The following ERGIC3 variants were observed in gnomAD, a reference collection of about 807,000 sequenced individuals.
ERGIC3 encodes ERGIC and golgi 3.
Under a neutral mutation model 54.7 loss-of-function variants are expected in ERGIC3, and 33 were observed. The observed-to-expected ratio is 0.60, with a 90% CI of 0.46 to 0.81. The LOEUF is 0.81. ERGIC3 is among the 30% of genes least tolerant of loss of function. The pLI, the probability that ERGIC3 is intolerant of heterozygous loss-of-function variation, is 0.00. For missense variants in ERGIC3, 399 were observed against 488.4 expected, an observed-to-expected ratio of 0.82 and a Z score of 1.73; for synonymous variants, 186 against 189.8, an observed-to-expected ratio of 0.98 and a Z score of 0.16.
At chr20:35,547,945 C>T (rs1309759219) in intron 5 of ERGIC3, among the ~76,000 whole-genome samples, 1 of 152,180 alleles carries the variant, frequency 6.6e-6, no homozygotes, top group African/African-American at 2.4e-5. Context: ...CTGATAACTG[C>T]TGCTGTTTCC....
intron 7 of ERGIC3, 147 bp downstream of exon 7, chr20:35,549,012 G>A: frequency 1.1e-6 from 1 of 886,194 alleles, no homozygotes; most frequent in Non-Finnish European, 1.8e-6. Flanking sequence ...GTTTGGCACA[G>A]TGGCTAAGAG....
intron 4 of ERGIC3, chr20:35,543,651 G>GT (rs2064629733): frequency 8.5e-6 from 4 of 471,068 alleles, no homozygotes; most frequent in South Asian, 6.2e-5. Context: ...ATCATTCGTT[G>GT]TTTCAGCAGA....
chr20:35,544,647 C>T (rs887252517), intron 4 of ERGIC3: 4 of 212,454 alleles, frequency 1.9e-5, no homozygotes, highest in South Asian at 8.6e-5. Context: ...GGTGTTTGGT[C>T]AGGCGCCCGC....
Position 35,542,815 on chromosome 20 carries a change from C to T in ERGIC3, c.248-7C>T. 6.2e-7 allele frequency: 1 copy of T among 1,614,130 alleles called. No individual in the cohort carries two copies. ...CCAGTACCTTAGCCTGATTTTCCTGCTTCCAGATCTGAGTATTGATGCCAT... is the reference window on the plus strand; with the variant it reads ...CCAGTACCTTAGCCTGATTTTCCTGTTTCCAGATCTGAGTATTGATGCCAT... On this transcript the variant is annotated splice_polypyrimidine_tract_variant and splice_region_variant and intron_variant, in intron 3 of 12. Transcript: ENST00000348547.
chr20:35,549,791 C>A (rs140847108), intron 7 of ERGIC3: 7,363 of 152,432 alleles, frequency 0.048, 292 homozygotes, highest in Non-Finnish European at 0.068. Flanking sequence ...TGCGTGCCAC[C>A]ACGCCCAGCT....
chr20:35,553,869 G>C (rs372054529), intron 7 of ERGIC3, among the ~76,000 whole-genome samples: 188 of 152,322 alleles, frequency 1.2e-3, no homozygotes, highest in African/African-American at 4.4e-3. Flanking sequence ...GTGGATCCCC[G>C]GGCCGGGGGT....
chr20:35,546,896 C>G (rs1025507291), intron 4 of ERGIC3, among the ~76,000 whole-genome samples: 1 of 151,876 alleles, frequency 6.6e-6, no homozygotes, highest in Non-Finnish European at 1.5e-5. Flanking sequence ...TATCATGAGT[C>G]GGGAGGTCAG....
In ERGIC3 at chr20:35,547,518, G is replaced by A; in HGVS notation, c.461+13G>A. On this transcript the variant is annotated intron_variant, in intron 5 of 12. Coordinates refer to ENST00000348547, the MANE Select transcript of ERGIC3 (RefSeq NM_015966.3). ...CAGAAGATATCAAGTGAGCTGGCGG[G>A]GAGCGGGAGCAGGGTTCCCATCAGG... 2 of 1,612,074 alleles carry A rather than the reference G, an allele frequency of 1.2e-6. No homozygotes were observed. The highest frequency in any genetic ancestry group is 1.7e-6 in the Non-Finnish European group (2 of 1,178,410).
rs771420533 is a variant in ERGIC3 at position 35,542,136 on chromosome 20, C to T, written c.39C>T (p.Tyr13=). The stretch of plus-strand genomic sequence containing the variant: ...GGAAGCTGAAGCAGTTCGATGCCTA[C>T]CCCAAGACTTTGGAGGACTTCCGGG... ...ALGKLKQFDA[Y]PKTLEDFRVK... is the part of the protein sequence containing the mutation. The change falls in exon 1 of 13, where the codon TAC becomes TAT. Residue 13 remains tyrosine (Y), a synonymous_variant. Coordinates refer to ENST00000348547, the MANE Select transcript of ERGIC3 (RefSeq NM_015966.3). 3 of 1,573,430 alleles carry T rather than the reference C, an allele frequency of 1.9e-6. No individual in the cohort carries two copies. Among genetic ancestry groups the T allele is most frequent in the Non-Finnish European group, 2.6e-6 (3 of 1,160,054 alleles).
chr20:35,555,982 C>G (rs1286281656), intron 8 of ERGIC3, 51 bp from the exon 9 acceptor site: 1 of 1,571,764 alleles, frequency 6.4e-7, no homozygotes, highest in Admixed American at 1.7e-5. Flanking sequence ...GTGTCCCTGT[C>G]TGCTACTGTC....
At position 35,555,055 on chromosome 20, in the gene ERGIC3, C is replaced by G; in HGVS notation, c.697C>G (p.Gln233Glu). 1 of 1,611,044 alleles carries G rather than the reference C, an allele frequency of 6.2e-7. No individual in the cohort carries two copies. Among genetic ancestry groups the G allele is most frequent in the Non-Finnish European group, 8.5e-7 (1 of 1,179,650 alleles). ...CCCTTCTCTCCTAGTCCATGACTTG[C>G]AGAGCTTTGGCCTTGACAACGTACG... ...QQSHVHVHDL[Q>E]SFGLDNINMT... Residue 233 changes from glutamine (Q) to glutamate (E), a missense_variant, in exon 8 of 13, where the codon CAG becomes GAG. Gln to Glu is a conservative substitution (Grantham distance 29). Transcript: ENST00000348547.
At chr20:35,556,508 G>T (rs1443756758) in intron 10 of ERGIC3, 6 of 560,358 alleles carry the variant, frequency 1.1e-5, no homozygotes, top group Non-Finnish European at 1.9e-5. Context: ...CGTTCCTCCG[G>T]TGCCCACCGT....
chr20:35,555,111 G>T, intron 8 of ERGIC3, 36 bp downstream of exon 8: 2 of 1,607,254 alleles, frequency 1.2e-6, no homozygotes, highest in South Asian at 2.2e-5. Context: ...GGGCAGGTGG[G>T]GGTGGGAGGC....
rs141001951 is a variant in ERGIC3, at chr20:35,556,236, G to C, written c.844G>C (p.Val282Leu). 23 of 1,614,204 alleles carry C rather than the reference G, an allele frequency of 1.4e-5. 2 individuals carry two copies. The East Asian group carries it at 3.3e-4, about 23-fold the overall frequency. ...CATGATGTTCCAGTACTTTGTGAAG[G>C]TGGTGCCCACTGTGTACATGAAGGT... ...ASMMFQYFVK[V>L]VPTVYMKVDG... The change falls in exon 10 of 13, where the codon GTG becomes CTG. Residue 282 changes from valine to leucine, a missense_variant. By Grantham distance (32) the Val-to-Leu change is conservative. Coordinates refer to ENST00000348547, the MANE Select transcript of ERGIC3 (RefSeq NM_015966.3).
chr20:35,556,328 C>T, intron 10 of ERGIC3, 57 bp downstream of exon 10: 1 of 1,583,056 alleles, frequency 6.3e-7, no homozygotes, highest in Non-Finnish European at 8.7e-7. Flanking sequence ...ACTGGAGTTC[C>T]TGCATTTCGT....
At chr20:35,544,048 A>ATCTG (rs1390144581) in intron 4 of ERGIC3, 1 of 220,570 alleles carries the variant, frequency 4.5e-6, no homozygotes, top group Admixed American at 5.3e-5. Flanking sequence ...CTATCTATCT[A>ATCTG]TCTATCTATC....
At chr20:35,548,777 G>A (rs777629170) in intron 6 of ERGIC3, 31 bp from the exon 7 acceptor site, 49 of 1,614,124 alleles carry the variant, frequency 3.0e-5, no homozygotes, top group Non-Finnish European at 3.9e-5. Context: ...GGAGGACACA[G>A]CCAGTGAATG....
chr20:35,543,492 T>C, intron 4 of ERGIC3: 1 of 408,248 alleles, frequency 2.4e-6, no homozygotes, highest in South Asian at 1.8e-5. Flanking sequence ...GTAAAATGCC[T>C]GGTACAGAGT....
At chr20:35,544,593 G>A (rs550186449) in intron 4 of ERGIC3, 5 of 262,998 alleles carry the variant, frequency 1.9e-5, no homozygotes, top group East Asian at 2.2e-4. Context: ...CCGCTCATAC[G>A]GGGCGAAACC....
Sources: gnomAD v4.1 joint callset for allele counts (sites outside exome capture counted in the v4.1 genomes callset) on GRCh38, gnomAD v4.1.1 for gene constraint, MANE v1.5 for transcripts, NCBI Gene and HGNC (gene_info 2026-07-23, HGNC 2026-07-21) for gene names.